ZNF45: variants seen among roughly 807,000 people sequenced by gnomAD.
The protein encoded by ZNF45 is BRC1744.
ZNF45 carries 4 observed loss-of-function variants against 12.0 expected under a neutral mutation model. That is an observed-to-expected ratio of 0.33 (90% CI 0.16 to 0.76). The LOEUF (loss-of-function observed/expected upper bound fraction) is 0.76, where lower values mean the gene tolerates loss of function less well. ZNF45 is among the 30% of genes least tolerant of loss of function. ZNF45 has a pLI of 0.60. For synonymous variants in ZNF45, 272 were observed against 279.6 expected (o/e 0.97, Z 0.27); for missense variants, 700 against 813.0 (o/e 0.86, Z 1.69).
At chr19:43,934,125 C>A (rs150622295) in intron 2 of ZNF45, among the ~76,000 whole-genome samples, 1 of 152,306 alleles carries the variant, frequency 6.6e-6, no homozygotes, top group East Asian at 1.9e-4. Flanking sequence ...ACACAAATCC[C>A]ACTGTTCTTA....
At chr19:43,931,395 T>C (rs368492) in intron 3 of ZNF45, 50,179 of 151,718 alleles carry the variant, frequency 0.33, 8,457 homozygotes, top group Middle Eastern at 0.43. Context: ...ATTAGCTGGG[T>C]GTGGTGGCGG....
chr19:43,919,544 A>G (rs780190226), intron 8 of ZNF45, 29 bp downstream of exon 8: 10 of 1,604,760 alleles, frequency 6.2e-6, no homozygotes, highest in South Asian at 5.5e-5. Flanking sequence ...GAGGGAGCCA[A>G]TGTTCAGTCA....
At chr19:43,931,857 T>C (rs1974168980) in intron 3 of ZNF45, among the ~76,000 whole-genome samples, 1 of 152,210 alleles carries the variant, frequency 6.6e-6, no homozygotes, top group South Asian at 2.1e-4. Context: ...GCCCCGCTGA[T>C]TGTGCCACCA....
chr19:43,928,089 G>T lies in ZNF45; in HGVS notation c.-399-2631C>A, dbSNP rs1873088472. On this transcript the variant is annotated intron_variant, in intron 3 of 9. Coordinates refer to ENST00000269973, the MANE Select transcript of ZNF45 (RefSeq NM_003425.4). ...CCAGCTACTCAGGAGGATGAGGCAG[G>T]AGAATTGCTTGAACCTGGGAGGTCA... is the stretch of plus-strand genomic sequence containing the variant. Among the ~76,000 whole-genome samples the T allele has an allele frequency of 4.7e-5, 7 of 149,060 alleles. No individual in the cohort carries two copies. In the South Asian group the frequency reaches 1.5e-3, roughly 31 times the overall value.
chr19:43,919,563 C>T lies in ZNF45; in HGVS notation c.142+10G>A. 1 of 1,610,082 alleles carries T rather than the reference C, an allele frequency of 6.2e-7. No homozygotes were observed. The highest frequency in any genetic ancestry group is 1.1e-5 in the South Asian group (1 of 90,970). ...GAGCCAATGTTCAGTCAGAGAATGC[C>T]TGTCCTCACCCACTGAGACCACATT... is the stretch of plus-strand genomic sequence containing the variant. On this transcript the variant is annotated intron_variant, in intron 8 of 9. Coordinates refer to ENST00000269973, the MANE Select transcript of ZNF45 (RefSeq NM_003425.4).
At chr19:43,929,392 A>G (rs1316276281) in intron 3 of ZNF45, among the ~76,000 whole-genome samples, 1 of 152,128 alleles carries the variant, frequency 6.6e-6, no homozygotes. Context: ...TGCTATTCCT[A>G]ATCTCTCCCT....
chr19:43,918,445 C>T (rs995120687), intron 9 of ZNF45, among the ~76,000 whole-genome samples: 1 of 152,156 alleles, frequency 6.6e-6, no homozygotes, highest in Non-Finnish European at 1.5e-5. Flanking sequence ...GCAGATCTTT[C>T]ATGAATAGGA....
At chr19:43,919,480 A>G in intron 8 of ZNF45, 93 bp downstream of exon 8, 2 of 1,444,112 alleles carry the variant, frequency 1.4e-6, no homozygotes, top group Non-Finnish European at 1.9e-6. Flanking sequence ...TAGAAAACTG[A>G]AAACCAGTTC....
intron 3 of ZNF45, among the ~76,000 whole-genome samples, chr19:43,926,034 C>T (rs769194450): frequency 1.5e-4 from 23 of 152,090 alleles, no homozygotes; most frequent in Non-Finnish European, 2.2e-4. Flanking sequence ...ATATTTCCAT[C>T]GCCTCGGGAA....
intron 2 of ZNF45, among the ~76,000 whole-genome samples, chr19:43,933,260 C>T (rs1467701781): frequency 2.6e-5 from 4 of 151,942 alleles, no homozygotes; most frequent in Admixed American, 6.6e-5. Flanking sequence ...CACTTGAGGT[C>T]GAGTTTGAGA....
rs775065781 is a variant in ZNF45 at position 43,913,842 on chromosome 19, C to T, written c.1594G>A (p.Glu532Lys). 4 of 1,613,682 alleles carry T rather than the reference C, an allele frequency of 2.5e-6. No individual in the cohort carries two copies. In the East Asian group the frequency reaches 6.7e-5, roughly 27 times the overall value. Residue 532 changes from glutamate (E) to lysine (K), a missense_variant, in exon 10 of 10, where the codon GAG becomes AAG. Transcript: ENST00000269973. ...HTGEKPYQCA[E>K]CGKGFSVGSQ... is the part of the protein sequence containing the mutation. ...CCTACACTGAAGCCCTTCCCACACT[C>T]TGCACACTGATATGGTTTCTCTCCA...
Position 43,913,841 on chromosome 19 carries a change from T to A in ZNF45, c.1595A>T (p.Glu532Val), listed in dbSNP as rs748542480. 3.1e-5 allele frequency: 50 copies of A among 1,613,456 alleles called. No homozygotes were observed. The highest frequency in any genetic ancestry group is 4.2e-5 in the Non-Finnish European group (50 of 1,179,856). The change falls in exon 10 of 10, where the codon GAG (glutamate) becomes GTG (valine). Residue 532 changes from glutamate to valine, a missense_variant. By Grantham distance (121) the Glu-to-Val change is moderately radical. Coordinates refer to ENST00000269973, the MANE Select transcript of ZNF45 (RefSeq NM_003425.4). ...ACCTACACTGAAGCCCTTCCCACAC[T>A]CTGCACACTGATATGGTTTCTCTCC... ...HTGEKPYQCA[E>V]CGKGFSVGSQ... is the part of the protein sequence containing the mutation.
chr19:43,928,586 C>T (rs1973879997), intron 3 of ZNF45, among the ~76,000 whole-genome samples: 1 of 152,264 alleles, frequency 6.6e-6, no homozygotes, highest in Non-Finnish European at 1.5e-5. Context: ...GCTGCTGGTC[C>T]CTAAATTACA....
chr19:43,925,272 C>G (rs906771463), intron 4 of ZNF45, 53 bp downstream of exon 4: 1 of 152,156 alleles, frequency 6.6e-6, no homozygotes, highest in African/African-American at 2.4e-5. Context: ...GTTTAAGCCA[C>G]CCAGCCTATG....
Position 43,914,880 on chromosome 19 carries a change from G to A in ZNF45, c.556C>T (p.His186Tyr), listed in dbSNP as rs941352819. Reference sequence around the variant, plus strand: ...CATTTGTAGGGCTTCTCTCCTGCATGAGCCCTTTGGTTAATTTGAAGATGA... The same window carrying A: ...CATTTGTAGGGCTTCTCTCCTGCATAAGCCCTTTGGTTAATTTGAAGATGA... The part of the protein sequence containing the change: ...SSHLQINQRA[H>Y]AGEKPYKCEK... The change falls in exon 10 of 10, where the codon CAT (histidine) becomes TAT (tyrosine). Residue 186 changes from histidine to tyrosine, a missense_variant. His to Tyr is a moderately conservative substitution (Grantham distance 83, BLOSUM62 2). Transcript: ENST00000269973. 7 of 1,613,104 alleles carry A rather than the reference G, an allele frequency of 4.3e-6. No individual in the cohort carries two copies. Among genetic ancestry groups the A allele is most frequent in the Middle Eastern group, 1.6e-4 (1 of 6,084 alleles).
intron 7 of ZNF45, among the ~76,000 whole-genome samples, chr19:43,920,786 A>T (rs539951143): frequency 6.6e-6 from 1 of 151,906 alleles, no homozygotes; most frequent in Non-Finnish European, 1.5e-5. Flanking sequence ...TTTTTAGTAC[A>T]GATGGGGTTT....
At chr19:43,931,705 C>A (rs1396213793) in intron 3 of ZNF45, among the ~76,000 whole-genome samples, 2 of 152,144 alleles carry the variant, frequency 1.3e-5, no homozygotes, top group Non-Finnish European at 2.9e-5. Flanking sequence ...TTAGTCTTCA[C>A]AGAAACTTTA....
At position 43,913,863 on chromosome 19, in the gene ZNF45, C is replaced by T. The variant is rs1418757005; in HGVS notation, c.1573G>A (p.Glu525Lys). Residue 525 changes from glutamate (E) to lysine (K), a missense_variant, in exon 10 of 10, where the codon GAG (glutamate) becomes AAG (lysine). Transcript: ENST00000269973. ...LQVHQRVHTG[E>K]KPYQCAECGK... ...CACTCTGCACACTGATATGGTTTCT[C>T]TCCAGTGTGAACTCTCTGATGCACC... 6.2e-7 allele frequency: 1 copy of T among 1,613,800 alleles called. No individual in the cohort carries two copies. The highest frequency in any genetic ancestry group is 1.6e-4 in the Middle Eastern group (1 of 6,062).
At position 43,914,107 on chromosome 19, in the gene ZNF45, G is replaced by A. The variant is rs1293834891; in HGVS notation, c.1329C>T (p.Pro443=). 1 of 1,613,698 alleles carries A rather than the reference G, an allele frequency of 6.2e-7. No homozygotes were observed. The highest frequency in any genetic ancestry group is 8.5e-7 in the Non-Finnish European group (1 of 1,179,934). Residue 443 remains proline (P), a synonymous_variant, in exon 10 of 10, where the codon CCC becomes CCT. Transcript: ENST00000269973. ...CCTTGCCACACTCCTCACATTTATA[G>A]GGTTTTTCCCCTGTATGGACTCTAA... ...IHFRVHTGEK[P]YKCEECGKGF...
Sources: allele counts gnomAD v4.1 joint callset (sites outside exome capture counted in the v4.1 genomes callset), GRCh38; gene constraint gnomAD v4.1.1; transcripts MANE v1.5; gene names NCBI Gene and HGNC (gene_info 2026-07-23, HGNC 2026-07-21).